SRGAP2: variants seen among roughly 807,000 people sequenced by gnomAD.
SRGAP2 encodes SLIT-ROBO Rho GTPase-activating protein 2.
A neutral mutation model predicts 57.2 loss-of-function variants in SRGAP2; 15 were observed. The ratio of observed to expected loss-of-function variants is 0.26; its 90% CI spans 0.18 to 0.40. The LOEUF (loss-of-function observed/expected upper bound fraction) is 0.40. SRGAP2 is among the 10% of genes least tolerant of loss of function. SRGAP2 has a pLI of 1.00. For missense variants in SRGAP2, 520 were observed against 669.6 expected, an observed-to-expected ratio of 0.78 and a Z score of 2.47; for synonymous variants, 249 against 248.0, an observed-to-expected ratio of 1.00 and a Z score of -0.04.
At chr1:206,237,211 G>A (rs578254975) in intron 2 of SRGAP2, among the ~76,000 whole-genome samples, 23 of 151,770 alleles carry the variant, frequency 1.5e-4, no homozygotes, top group East Asian at 1.4e-3. Flanking sequence ...GCAGTGAGCC[G>A]AGATCACACC....
intron 19 of SRGAP2, among the ~76,000 whole-genome samples, chr1:206,451,435 A>T (rs1171398803): frequency 2.0e-5 from 3 of 152,116 alleles, no homozygotes; most frequent in Admixed American, 1.3e-4. Flanking sequence ...TCTGGATCAC[A>T]TGGGCTCTGG....
intron 13 of SRGAP2, among the ~76,000 whole-genome samples, chr1:206,429,763 G>A (rs1348832783): frequency 8.5e-5 from 13 of 152,294 alleles, no homozygotes; most frequent in African/African-American, 1.9e-4. Context: ...AGAGAAATGC[G>A]GGTCAGAAGA....
At chr1:206,398,534 C>A (rs1553354441) in intron 7 of SRGAP2, among the ~76,000 whole-genome samples, 1 of 152,026 alleles carries the variant, frequency 6.6e-6, no homozygotes, top group Non-Finnish European at 1.5e-5. Flanking sequence ...CAAATGGCTT[C>A]ACTGGCCCCA....
chr1:206,449,267 C>T (rs1162955423), intron 18 of SRGAP2, among the ~76,000 whole-genome samples: 5 of 148,164 alleles, frequency 3.4e-5, no homozygotes, highest in East Asian at 2.0e-4. Flanking sequence ...TATCATTTCT[C>T]GATTCCTTAC....
chr1:206,259,358 ACAGGGTCTCATCCTGTCACC>A (rs1553313063), intron 2 of SRGAP2, among the ~76,000 whole-genome samples: 1 of 144,400 alleles, frequency 6.9e-6, no homozygotes, highest in Non-Finnish European at 1.5e-5. Context: ...TTTAAAAGAG[ACAGGGTCTCATCCTGTCACC>A]CAGGCTGGAG....
chr1:206,241,349 T>A (rs1173840156), intron 2 of SRGAP2, among the ~76,000 whole-genome samples: 1 of 151,906 alleles, frequency 6.6e-6, no homozygotes, highest in Non-Finnish European at 1.5e-5. Context: ...CAGACAGACT[T>A]CCTTTTCTAC....
chr1:206,283,728 T>G (rs1670866881), intron 2 of SRGAP2, among the ~76,000 whole-genome samples: 1 of 148,462 alleles, frequency 6.7e-6, no homozygotes, highest in Non-Finnish European at 1.5e-5. Context: ...GTGAACCCCC[T>G]CAGGAATTTA....
intron 22 of SRGAP2, among the ~76,000 whole-genome samples, chr1:206,459,375 G>T (rs1664084229): frequency 6.7e-6 from 1 of 149,134 alleles, no homozygotes; most frequent in Non-Finnish European, 1.5e-5. Context: ...CCTAAGGCTA[G>T]TCTCTGGTAC....
At chr1:206,213,946 A>T (rs1193822638) in intron 2 of SRGAP2, among the ~76,000 whole-genome samples, 10 of 151,860 alleles carry the variant, frequency 6.6e-5, no homozygotes, top group Non-Finnish European at 1.3e-4. Context: ...AAACGAAAAA[A>T]TAGATCTGGC....
chr1:206,332,612 G>T (rs1407909992), intron 3 of SRGAP2, among the ~76,000 whole-genome samples: 1 of 142,064 alleles, frequency 7.0e-6, no homozygotes, highest in African/African-American at 2.9e-5. Context: ...AGCTCCTGAG[G>T]CTTCTGCATT....
intron 2 of SRGAP2, among the ~76,000 whole-genome samples, chr1:206,266,819 TA>T (rs1275903843): frequency 6.7e-6 from 1 of 148,306 alleles, no homozygotes; most frequent in Non-Finnish European, 1.5e-5. Flanking sequence ...AGTGGAGAGC[TA>T]ACAAAGCAGT....
At chr1:206,258,530 GT>G (rs1425609421) in intron 2 of SRGAP2, among the ~76,000 whole-genome samples, 1 of 134,346 alleles carries the variant, frequency 7.4e-6, no homozygotes, top group Non-Finnish European at 1.6e-5. Flanking sequence ...TTTTTGTTCT[GT>G]TTAAAAACAC....
intron 13 of SRGAP2, among the ~76,000 whole-genome samples, chr1:206,429,603 G>GA (rs1661112503): frequency 6.6e-6 from 1 of 152,282 alleles, no homozygotes; most frequent in Non-Finnish European, 1.5e-5. Context: ...AGCTGTAGCA[G>GA]AAGCTAGGGG....
chr1:206,421,587 G>A (rs1660309954), intron 13 of SRGAP2, among the ~76,000 whole-genome samples: 1 of 152,162 alleles, frequency 6.6e-6, no homozygotes, highest in African/African-American at 2.4e-5. Flanking sequence ...CACAAAAGAG[G>A]CTTGACACTT....
intron 2 of SRGAP2, among the ~76,000 whole-genome samples, chr1:206,260,364 A>C (rs538903204): frequency 6.6e-6 from 1 of 151,620 alleles, no homozygotes. Context: ...TAGTAAAGGT[A>C]AATTTAAAAT....
At chr1:206,386,070 G>A (rs1390975937) in intron 5 of SRGAP2, among the ~76,000 whole-genome samples, 9 of 152,268 alleles carry the variant, frequency 5.9e-5, no homozygotes, top group African/African-American at 1.4e-4. Flanking sequence ...GTTTTACCCC[G>A]AGAGGACATT....
At chr1:206,374,913 T>C (rs1480711561) in intron 4 of SRGAP2, among the ~76,000 whole-genome samples, 1 of 39,482 alleles carries the variant, frequency 2.5e-5, no homozygotes, top group East Asian at 5.4e-4. Flanking sequence ...TAATCAGCGA[T>C]TTTCCCAGTG....
intron 17 of SRGAP2, among the ~76,000 whole-genome samples, chr1:206,442,735 T>C (rs778391194): frequency 2.0e-5 from 3 of 152,154 alleles, no homozygotes; most frequent in Non-Finnish European, 4.4e-5. Context: ...TTTTCTAAAA[T>C]AATAAATAGA....
chr1:206,389,165 C>CTTTTTTT (rs71274650), intron 5 of SRGAP2, among the ~76,000 whole-genome samples: 1 of 73,074 alleles, frequency 1.4e-5, no homozygotes, highest in African/African-American at 6.3e-5. Context: ...CTCAGACTTC[C>CTTTTTTT]TTTTTTTTTT....
Sources: gnomAD v4.1 joint callset for allele counts (sites outside exome capture counted in the v4.1 genomes callset) on GRCh38, gnomAD v4.1.1 for gene constraint, MANE v1.5 for transcripts, NCBI Gene and HGNC (gene_info 2026-07-23, HGNC 2026-07-21) for gene names.